NRXN1: variants seen among roughly 807,000 people sequenced by gnomAD.
NRXN1 encodes the protein neurexin-1.
NRXN1 carries 39 observed loss-of-function variants against 150.9 expected under a neutral mutation model. That is an observed-to-expected ratio of 0.26 (90% CI 0.20 to 0.34). The LOEUF (loss-of-function observed/expected upper bound fraction) is 0.34, where lower values mean the gene tolerates loss of function less well. NRXN1 is among the 10% of genes least tolerant of loss of function. The pLI, the probability that NRXN1 is intolerant of heterozygous loss-of-function variation, is 1.00. For missense variants in NRXN1, 1,815 were observed against 1,949.9 expected, an observed-to-expected ratio of 0.93 and a Z score of 1.30; for synonymous variants, 924 against 757.0, an observed-to-expected ratio of 1.22 and a Z score of -3.62.
At chr2:50,111,630 C>T (rs1002266143) in intron 18 of NRXN1, among the ~76,000 whole-genome samples, 4 of 151,292 alleles carry the variant, frequency 2.6e-5, no homozygotes, top group African/African-American at 9.7e-5. Context: ...CAGAGTGACA[C>T]TCTGTCTCAA....
intron 18 of NRXN1, among the ~76,000 whole-genome samples, chr2:50,148,592 G>A (rs2058507018): frequency 6.6e-6 from 1 of 151,582 alleles, no homozygotes; most frequent in Non-Finnish European, 1.5e-5. Flanking sequence ...CTTATCCAGA[G>A]GGCCAATCAG....
intron 2 of NRXN1, among the ~76,000 whole-genome samples, chr2:50,957,362 A>G (rs1692442317): frequency 6.6e-6 from 1 of 152,162 alleles, no homozygotes; most frequent in Non-Finnish European, 1.5e-5. Flanking sequence ...ATGAGGTTAT[A>G]AAGTTCTGAA....
At chr2:50,582,268 G>A (rs900732068) in intron 8 of NRXN1, among the ~76,000 whole-genome samples, 2 of 151,846 alleles carry the variant, frequency 1.3e-5, no homozygotes, top group Non-Finnish European at 2.9e-5. Context: ...AAGGGCTCAC[G>A]CTTATAATCC....
chr2:50,948,765 C>A (rs756522276), intron 2 of NRXN1, among the ~76,000 whole-genome samples: 16 of 151,982 alleles, frequency 1.1e-4, no homozygotes, highest in Admixed American at 3.3e-4. Flanking sequence ...TTTTATTTGT[C>A]CTTCAAGATA....
intron 17 of NRXN1, among the ~76,000 whole-genome samples, chr2:50,274,831 AGAGTCTC>A (rs1263602504): frequency 2.6e-5 from 4 of 152,138 alleles, no homozygotes; most frequent in Non-Finnish European, 5.9e-5. Context: ...TTGCCTAAAT[AGAGTCTC>A]GAAGCCTACA....
chr2:50,644,655 A>G (rs1303505121), intron 5 of NRXN1, among the ~76,000 whole-genome samples: 5 of 151,574 alleles, frequency 3.3e-5, no homozygotes, highest in African/African-American at 1.2e-4. Context: ...TCCAGGTTAA[A>G]AGAAAATTAT....
chr2:50,541,217 T>A (rs552155955), intron 9 of NRXN1, among the ~76,000 whole-genome samples: 53 of 152,308 alleles, frequency 3.5e-4, no homozygotes, highest in African/African-American at 1.2e-3. Context: ...TATGCTCTTT[T>A]TATTCAGCTC....
chr2:50,087,913 T>C (rs1448890591), intron 19 of NRXN1, among the ~76,000 whole-genome samples: 1 of 152,148 alleles, frequency 6.6e-6, no homozygotes, highest in East Asian at 1.9e-4. Flanking sequence ...ATAAAAGCAC[T>C]TACCACAAAG....
At chr2:50,778,651 T>C (rs1253607848) in intron 5 of NRXN1, among the ~76,000 whole-genome samples, 1 of 152,064 alleles carries the variant, frequency 6.6e-6, no homozygotes, top group Non-Finnish European at 1.5e-5. Flanking sequence ...GTAGGAGAAA[T>C]ATCAATGAAG....
intron 15 of NRXN1, among the ~76,000 whole-genome samples, chr2:50,475,145 A>G (rs562908080): frequency 3.9e-5 from 6 of 152,202 alleles, no homozygotes; most frequent in African/African-American, 1.2e-4. Flanking sequence ...GGACTAATGA[A>G]TGTAGTAGAG....
chr2:50,553,266 A>G (rs1216611702), intron 8 of NRXN1, among the ~76,000 whole-genome samples: 1 of 152,242 alleles, frequency 6.6e-6, no homozygotes, highest in African/African-American at 2.4e-5. Flanking sequence ...GCATGTGCAT[A>G]TACACACAAA....
intron 17 of NRXN1, among the ~76,000 whole-genome samples, chr2:50,339,960 A>G (rs1262399944): frequency 4.6e-5 from 7 of 152,234 alleles, no homozygotes; most frequent in Admixed American, 4.6e-4. Flanking sequence ...GCTGGGACAA[A>G]TTTCAGGTCT....
At chr2:50,743,060 C>T (rs1031317701) in intron 5 of NRXN1, among the ~76,000 whole-genome samples, 1 of 152,136 alleles carries the variant, frequency 6.6e-6, no homozygotes, top group Non-Finnish European at 1.5e-5. Context: ...CAAAATAACA[C>T]TGACATTTTC....
At chr2:50,144,231 G>A (rs943959335) in intron 18 of NRXN1, among the ~76,000 whole-genome samples, 1 of 151,830 alleles carries the variant, frequency 6.6e-6, no homozygotes, top group Non-Finnish European at 1.5e-5. Flanking sequence ...TAGCAATGAG[G>A]CCACACTGAT....
intron 21 of NRXN1, among the ~76,000 whole-genome samples, chr2:50,019,641 CAAAAAAAAA>C (rs764073226): frequency 3.9e-5 from 1 of 25,554 alleles, no homozygotes; most frequent in Non-Finnish European, 6.4e-5. Flanking sequence ...GATTCCGTCT[CAAAAAAAAA>C]AAAAAAAAAA....
At chr2:50,543,559 G>A (rs185298164) in intron 9 of NRXN1, among the ~76,000 whole-genome samples, 73 of 152,076 alleles carry the variant, frequency 4.8e-4, no homozygotes, top group African/African-American at 1.5e-3. Flanking sequence ...AAGCAGACAA[G>A]GTAATATTTA....
intron 18 of NRXN1, among the ~76,000 whole-genome samples, chr2:50,220,337 G>A (rs1413477847): frequency 6.6e-6 from 1 of 151,884 alleles, no homozygotes; most frequent in Non-Finnish European, 1.5e-5. Flanking sequence ...TAACCTTGAT[G>A]TTGGGAAAAG....
intron 21 of NRXN1, among the ~76,000 whole-genome samples, chr2:49,993,035 C>G (rs1682283429): frequency 2.6e-5 from 4 of 152,170 alleles, no homozygotes. Context: ...TTTTACCATA[C>G]AATCCAGCAA....
At chr2:50,216,774 C>T (rs1045610246) in intron 18 of NRXN1, among the ~76,000 whole-genome samples, 3 of 151,980 alleles carry the variant, frequency 2.0e-5, no homozygotes, top group African/African-American at 7.2e-5. Flanking sequence ...AATGATGCCA[C>T]GTTAGCACAC....
Sources: allele counts gnomAD v4.1 joint callset (sites outside exome capture counted in the v4.1 genomes callset), GRCh38; gene constraint gnomAD v4.1.1; transcripts MANE v1.5; gene names NCBI Gene and HGNC (gene_info 2026-07-23, HGNC 2026-07-21).